Variants in TTLL5 observed in about 807,000 individuals in gnomAD.
The protein encoded by TTLL5 is tubulin polyglutamylase TTLL5.
A neutral mutation model predicts 168.4 loss-of-function variants in TTLL5; 132 were observed. The ratio of observed to expected loss-of-function variants is 0.78; its 90% confidence interval spans 0.68 to 0.91. TTLL5 has a LOEUF of 0.91. Among genes scored for constraint, TTLL5 ranks in the 40% least tolerant of loss-of-function variants. The pLI is 0.00. For synonymous variants in TTLL5, 546 were observed against 558.6 expected, an observed-to-expected ratio of 0.98 and a Z score of 0.32; for missense variants, 1,545 against 1,581.5, an observed-to-expected ratio of 0.98 and a Z score of 0.39.
chr14:75,869,462 G>T (rs1288304905), intron 29 of TTLL5, among the ~76,000 whole-genome samples: 2 of 152,050 alleles, frequency 1.3e-5, no homozygotes, highest in African/African-American at 2.4e-5. Flanking sequence ...TGAAGATGAT[G>T]ATATATACCT....
At chr14:75,690,101 G>A in intron 5 of TTLL5, 91 bp from the exon 6 acceptor site, 1 of 1,414,198 alleles carries the variant, frequency 7.1e-7, no homozygotes, top group Non-Finnish European at 9.9e-7. Flanking sequence ...AACCGGTCTA[G>A]GACTGTGAAC....
At chr14:75,804,752 A>T (rs1893550540) in intron 27 of TTLL5, among the ~76,000 whole-genome samples, 1 of 152,218 alleles carries the variant, frequency 6.6e-6, no homozygotes, top group South Asian at 2.1e-4. Flanking sequence ...CAAGTTGTTT[A>T]ACCTCCCTGT....
intron 3 of TTLL5, 123 bp from the exon 4 acceptor site, chr14:75,681,422 T>C (rs1405196499): frequency 2.7e-6 from 2 of 743,462 alleles, no homozygotes; most frequent in East Asian, 2.7e-5. Flanking sequence ...GTTCAACTTA[T>C]TTATAATCAT....
chr14:75,723,401 A>G (rs1887972344), intron 12 of TTLL5, among the ~76,000 whole-genome samples: 1 of 152,160 alleles, frequency 6.6e-6, no homozygotes, highest in South Asian at 2.1e-4. Context: ...TCTTAGAATT[A>G]TTGCAGACTG....
At position 75,950,530 on chromosome 14, in the gene TTLL5, GCTTTGAA is replaced by G. The variant is rs2034928552; in HGVS notation, c.3824-3893_3824-3887del. Among the ~76,000 whole-genome samples, 4 of 152,236 alleles carry G rather than the reference GCTTTGAA, an allele frequency of 2.6e-5. No individual in the cohort carries two copies. The South Asian group carries it at 8.3e-4, about 32-fold the overall frequency. ...CTGAAGATAATGTTATCCTGAGTTT[GCTTTGAA>G]AATACTCCAGGAAACAAATGTGAAG... On this transcript the variant is annotated intron_variant, in intron 31 of 31. Transcript: ENST00000298832.
chr14:75,733,888 T>C (rs1888717193), intron 13 of TTLL5, 101 bp from the exon 14 acceptor site: 2 of 1,105,914 alleles, frequency 1.8e-6, no homozygotes, highest in East Asian at 2.4e-5. Context: ...TTGCTCTTCA[T>C]TGACATTTGG....
Position 75,762,493 on chromosome 14 carries a change from T to G in TTLL5, c.1551-2122T>G, listed in dbSNP as rs546637380. On this transcript the variant is annotated intron_variant, in intron 18 of 31. Transcript: ENST00000298832. ...TTAGGAAATTCAATTGTTTGTTAAT[T>G]AACCAATATTTATGGCAAGTCAGCT... Among the ~76,000 whole-genome samples, 58 of 152,364 alleles carry G rather than the reference T, an allele frequency of 3.8e-4. No individual in the cohort carries two copies. The South Asian group carries it at 0.011, about 29-fold the overall frequency.
chr14:75,793,202 T>G, intron 27 of TTLL5, 102 bp downstream of exon 27: 1 of 1,095,798 alleles, frequency 9.1e-7, no homozygotes, highest in Non-Finnish European at 1.2e-6. Context: ...CATATACTGA[T>G]GCCTCTTGAA....
rs760462202 is a variant in TTLL5 at position 75,735,202 on chromosome 14, G to T, written c.1194G>T (p.Val398=). 1 of 1,614,170 alleles carries T rather than the reference G, an allele frequency of 6.2e-7. No homozygotes were observed. The highest frequency in any genetic ancestry group is 1.1e-5 in the South Asian group (1 of 91,086). Reference sequence around the variant, plus strand: ...TGCCCATTCCCCATTCAGGATTTGTGTGCCAAGATCCTGCCCAGCGGGCAT... The same window carrying T: ...TGCCCATTCCCCATTCAGGATTTGTTTGCCAAGATCCTGCCCAGCGGGCAT... ...ISDMFTVVGF[V]CQDPAQRAST... is the part of the protein sequence containing the mutation. The change falls in exon 15 of 32, where the codon GTG becomes GTT. Residue 398 remains valine, a synonymous_variant. Transcript: ENST00000298832.
At chr14:75,871,501 T>C (rs2031031164) in intron 29 of TTLL5, among the ~76,000 whole-genome samples, 1 of 151,764 alleles carries the variant, frequency 6.6e-6, no homozygotes, top group Admixed American at 6.6e-5. Flanking sequence ...TACTTATCAG[T>C]CAGATAAGGC....
intron 31 of TTLL5, among the ~76,000 whole-genome samples, chr14:75,937,112 G>A (rs1265152717): frequency 1.6e-5 from 2 of 127,792 alleles, no homozygotes; most frequent in Non-Finnish European, 3.2e-5. Flanking sequence ...ATGGCATTAA[G>A]TACATTTACA....
intron 27 of TTLL5, among the ~76,000 whole-genome samples, chr14:75,819,587 A>G (rs175881): frequency 0.89 from 135,403 of 152,252 alleles, 60,354 homozygotes; most frequent in African/African-American, 0.94. Flanking sequence ...AAATCAGTGG[A>G]TTCTTTGTGT....
chr14:75,935,959 AC>A (rs1041391326), intron 31 of TTLL5, among the ~76,000 whole-genome samples: 3 of 152,044 alleles, frequency 2.0e-5, no homozygotes, highest in Non-Finnish European at 2.9e-5. Context: ...AAAAGAGAAA[AC>A]CCTTGAAGAA....
intron 15 of TTLL5, among the ~76,000 whole-genome samples, chr14:75,742,649 G>A (rs1427993484): frequency 6.6e-6 from 1 of 152,132 alleles, no homozygotes; most frequent in East Asian, 1.9e-4. Context: ...ACCCGCCTTG[G>A]CCTCCCAAAG....
chr14:75,771,887 TC>T, intron 21 of TTLL5, 33 bp downstream of exon 21: 3 of 1,573,230 alleles, frequency 1.9e-6, no homozygotes, highest in Non-Finnish European at 2.6e-6. Context: ...CTTTTTACTT[TC>T]CCTTTTTCTT....
Position 75,929,722 on chromosome 14 carries a change from G to A in TTLL5, c.3824-24702G>A, listed in dbSNP as rs138925767. ...CCCACCTCGGCCTCCCAAAGTGCTG[G>A]GATTACAGGAGTGAGCCACTACGCC... On this transcript the variant is annotated intron_variant, in intron 31 of 31. Transcript: ENST00000298832. Among the ~76,000 whole-genome samples the A allele has an allele frequency of 5.6e-3, 853 of 152,164 alleles. 14 individuals carry two copies. Among genetic ancestry groups the A allele is most frequent in the South Asian group, 0.027 (130 of 4,816 alleles).
intron 31 of TTLL5, among the ~76,000 whole-genome samples, chr14:75,922,837 C>T (rs149771898): frequency 0.8 from 121,431 of 152,086 alleles, 48,664 homozygotes; most frequent in African/African-American, 0.86. Flanking sequence ...TGGTAGAATT[C>T]GGCTGTGAGT....
At chr14:75,884,345 G>T (rs2031981413) in intron 30 of TTLL5, among the ~76,000 whole-genome samples, 1 of 152,242 alleles carries the variant, frequency 6.6e-6, no homozygotes, top group Non-Finnish European at 1.5e-5. Context: ...GGCCTGTGTG[G>T]CTAGCTGGTG....
At chr14:75,889,442 G>A (rs1219028454) in intron 30 of TTLL5, among the ~76,000 whole-genome samples, 1 of 152,170 alleles carries the variant, frequency 6.6e-6, no homozygotes, top group Non-Finnish European at 1.5e-5. Flanking sequence ...TTGTGGAATA[G>A]TTTTCTAAAC....
Sources: allele counts gnomAD v4.1 joint callset (sites outside exome capture counted in the v4.1 genomes callset), GRCh38; gene constraint gnomAD v4.1.1; transcripts MANE v1.5; gene names NCBI Gene and HGNC (gene_info 2026-07-23, HGNC 2026-07-21).